Variants in TMTC3 observed in about 807,000 individuals in gnomAD.
TMTC3 encodes the protein transmembrane O-mannosyltransferase targeting cadherins 3, also known as protein O-mannosyl-transferase TMTC3.
A neutral mutation model predicts 92.2 loss-of-function variants in TMTC3; 52 were observed. That is an observed-to-expected ratio of 0.56 (90% CI 0.45 to 0.71). The LOEUF (loss-of-function observed/expected upper bound fraction) is 0.71, where lower values mean the gene tolerates loss of function less well. TMTC3 is among the 30% of genes least tolerant of loss of function. TMTC3 has a pLI of 0.00. For synonymous variants in TMTC3, 339 were observed against 363.3 expected, an observed-to-expected ratio of 0.93 and a Z score of 0.76; for missense variants, 896 against 1,057.1, an observed-to-expected ratio of 0.85 and a Z score of 2.11.
Position 88,166,533 on chromosome 12 carries a change from G to A in TMTC3, c.1001G>A (p.Gly334Glu), listed in dbSNP as rs765274086. Residue 334 changes from glycine to glutamate, a missense_variant, in exon 7 of 14, where the codon GGA (glycine) becomes GAA (glutamate). Physicochemically the swap from Gly to Glu is moderately conservative, Grantham distance 98. Coordinates refer to ENST00000266712, the MANE Select transcript of TMTC3 (RefSeq NM_181783.4). The part of the protein sequence containing the change: ...FTFFCFLGML[G>E]VFSIRYSGDS... The stretch of plus-strand genomic sequence containing the variant: ...TTCTTTTGTTTTCTGGGGATGTTGG[G>A]AGTATTCAGTATCAGATACTCTGGT... The A allele has an allele frequency of 1.9e-6, 3 of 1,613,782 alleles. No individual in the cohort carries two copies. The highest frequency in any genetic ancestry group is 1.1e-5 in the South Asian group (1 of 91,068).
intron 3 of TMTC3, 109 bp downstream of exon 3, chr12:88,153,618 T>A: frequency 1.8e-6 from 1 of 570,508 alleles, no homozygotes; most frequent in Non-Finnish European, 2.9e-6. Context: ...ACCCTGACTT[T>A]AATCCAAATA....
chr12:88,160,678 G>A lies in TMTC3; in HGVS notation c.625-1G>A. 1 of 1,611,316 alleles carries A rather than the reference G, an allele frequency of 6.2e-7. No homozygotes were observed. Among genetic ancestry groups the A allele is most frequent in the South Asian group, 1.1e-5 (1 of 90,312 alleles). On this transcript the variant is annotated splice_acceptor_variant, in intron 5 of 13. Transcript: ENST00000266712. LOFTEE classifies it high-confidence loss of function. ...CTTAAAACATTTCTTTTCTTTTTCA[G>A]TATACTTTGCCATTACTATGTACTA...
Position 88,194,902 on chromosome 12 carries a change from A to G in TMTC3, c.1998A>G (p.Leu666=), listed in dbSNP as rs1211922227. The G allele has an allele frequency of 6.2e-7, 1 of 1,613,558 alleles. No individual in the cohort carries two copies. The stretch of plus-strand genomic sequence containing the variant: ...TAAGTTATATAAATGAAGAGCCACT[A>G]GATGCTAATGGGTATTTCAATTTGG... The part of the protein sequence containing the change: ...RLLSYINEEP[L]DANGYFNLGM... Residue 666 remains leucine (L), a synonymous_variant, in exon 14 of 14, where the codon CTA becomes CTG. Coordinates refer to ENST00000266712, the MANE Select transcript of TMTC3 (RefSeq NM_181783.4).
chr12:88,170,089 T>C (rs1411300080), intron 7 of TMTC3, among the ~76,000 whole-genome samples: 1 of 152,232 alleles, frequency 6.6e-6, no homozygotes, highest in East Asian at 1.9e-4. Flanking sequence ...CAGTTTATGC[T>C]ACTGGAAGAA....
Position 88,195,545 on chromosome 12 carries a change from G to A in TMTC3, c.2641G>A (p.Glu881Lys). The change falls in exon 14 of 14, where the codon GAG becomes AAG. Residue 881 changes from glutamate to lysine, a missense_variant. By Grantham distance (56) the Glu-to-Lys change is moderately conservative. Transcript: ENST00000266712. ...ACAATTAGGAAAAAATGGAGACGAA[G>A]AGACACCCCACAAAACAACAAAAGA... ...NKQLGKNGDEETPHKTTKDIK... is the reference protein window; with the variant it reads ...NKQLGKNGDEKTPHKTTKDIK... 1 of 1,613,226 alleles carries A rather than the reference G, an allele frequency of 6.2e-7. No homozygotes were observed. The highest frequency in any genetic ancestry group is 2.2e-5 in the East Asian group (1 of 44,758).
chr12:88,176,267 G>T lies in TMTC3; in HGVS notation c.1380G>T (p.Lys460Asn). 3 of 1,612,312 alleles carry T rather than the reference G, an allele frequency of 1.9e-6. No individual in the cohort carries two copies. In the South Asian group the frequency reaches 3.3e-5, roughly 18 times the overall value. The change falls in exon 10 of 14, where the codon AAG becomes AAT. Residue 460 changes from lysine (K) to asparagine (N), a missense_variant. Physicochemically the swap from Lys to Asn is moderately conservative, Grantham distance 94. Transcript: ENST00000266712. ...NNVGHALENEKNFERALKYFL... is the reference protein window; with the variant it reads ...NNVGHALENENNFERALKYFL... ...TGGGTCATGCTCTGGAAAATGAAAA[G>T]AACTTTGAGAGAGCTTTGAAATACT...
intron 8 of TMTC3, among the ~76,000 whole-genome samples, chr12:88,173,455 A>G (rs983465312): frequency 1.3e-5 from 2 of 152,024 alleles, no homozygotes; most frequent in Admixed American, 1.3e-4. Flanking sequence ...ACCCTTAAGC[A>G]TATAACAAAG....
At chr12:88,166,115 A>C (rs2041140241) in intron 6 of TMTC3, among the ~76,000 whole-genome samples, 1 of 152,186 alleles carries the variant, frequency 6.6e-6, no homozygotes, top group Admixed American at 6.5e-5. Context: ...CCTTTCAAAC[A>C]GTCCTTCATA....
intron 6 of TMTC3, among the ~76,000 whole-genome samples, chr12:88,161,054 A>G (rs1372390273): frequency 6.6e-6 from 1 of 152,240 alleles, no homozygotes; most frequent in African/African-American, 2.4e-5. Context: ...CCCCACAATA[A>G]AGATAATGAA....
rs1024609343 is a variant in TMTC3 at position 88,196,717 on chromosome 12, A to G, written c.*1068A>G. The G allele has an allele frequency of 2.0e-5, 3 of 151,908 alleles. No homozygotes were observed. The highest frequency in any genetic ancestry group is 7.2e-5 in the African/African-American group (3 of 41,450). 9.4% of individuals were successfully genotyped at this position (151,908 alleles called of 1,614,324 possible). A position where few individuals can be genotyped will look rare whatever the true frequency, so the allele number is the denominator to read the frequency against. ...TTTTATTAAATATTTATTTTGACTA[A>G]GCTTTCATAAAATATTTGAAGCTAT... On this transcript the variant is annotated 3_prime_UTR_variant, in exon 14 of 14. Transcript: ENST00000266712.
intron 2 of TMTC3, among the ~76,000 whole-genome samples, chr12:88,151,237 T>G (rs539735077): frequency 9.7e-4 from 148 of 152,258 alleles, no homozygotes; most frequent in African/African-American, 3.4e-3. Context: ...GCGAGGGGGC[T>G]GTAATGAGCC....
intron 4 of TMTC3, among the ~76,000 whole-genome samples, chr12:88,157,720 G>A (rs1400572865): frequency 1.3e-5 from 2 of 152,108 alleles, no homozygotes; most frequent in African/African-American, 4.8e-5. Context: ...TTAGAAGCCT[G>A]TATTTTGAAA....
intron 1 of TMTC3, among the ~76,000 whole-genome samples, chr12:88,144,906 C>T (rs1462154975): frequency 2.6e-5 from 4 of 152,142 alleles, no homozygotes; most frequent in Admixed American, 2.6e-4. Context: ...TTTTCTGCAC[C>T]TGTCAGTTTT....
intron 11 of TMTC3, 36 bp downstream of exon 11, chr12:88,188,982 A>G (rs2041409723): frequency 4.5e-6 from 5 of 1,117,930 alleles, no homozygotes; most frequent in African/African-American, 1.6e-5. Flanking sequence ...TGTCATATCT[A>G]TTAGATGTCC....
rs1032574340 is a variant in TMTC3, at chr12:88,197,889, C to T, written c.*2240C>T. The T allele has an allele frequency of 6.5e-6, 1 of 153,150 alleles. No homozygotes were observed. The highest frequency in any genetic ancestry group is 2.4e-5 in the African/African-American group (1 of 41,450). The allele number at this position is 153,150 out of a possible 1,614,324, so 9.5% of individuals were successfully genotyped here. On this transcript the variant is annotated 3_prime_UTR_variant, in exon 14 of 14. Coordinates refer to ENST00000266712, the MANE Select transcript of TMTC3 (RefSeq NM_181783.4). ...AGTCTAAATTTCTGGAAGATGGAGC[C>T]ATGCTTGTTTTTCCAAAAGCTCTTT...
intron 1 of TMTC3, among the ~76,000 whole-genome samples, chr12:88,145,196 T>C (rs2040858019): frequency 6.6e-6 from 1 of 152,216 alleles, no homozygotes; most frequent in South Asian, 2.1e-4. Flanking sequence ...ATGGCCATTT[T>C]GTATCCATTG....
chr12:88,160,321 C>T (rs2041061611), intron 5 of TMTC3, 92 bp downstream of exon 5: 2 of 697,202 alleles, frequency 2.9e-6, no homozygotes, highest in Non-Finnish European at 2.1e-6. Context: ...CTAAATGTAT[C>T]ATTATGTAAA....
At chr12:88,162,197 C>A (rs1037659422) in intron 6 of TMTC3, among the ~76,000 whole-genome samples, 2 of 152,026 alleles carry the variant, frequency 1.3e-5, no homozygotes, top group Non-Finnish European at 2.9e-5. Flanking sequence ...AGTGGGAAAA[C>A]CTCTATCATC....
chr12:88,169,773 T>C (rs2041184334), intron 7 of TMTC3, among the ~76,000 whole-genome samples: 1 of 151,814 alleles, frequency 6.6e-6, no homozygotes, highest in African/African-American at 2.4e-5. Context: ...ATCCCACCTC[T>C]AAAAAAAATT....
Sources: allele counts gnomAD v4.1 joint callset (sites outside exome capture counted in the v4.1 genomes callset), GRCh38; gene constraint gnomAD v4.1.1; transcripts MANE v1.5; gene names NCBI Gene and HGNC (gene_info 2026-07-23, HGNC 2026-07-21).